FGF13: variants seen among roughly 807,000 people sequenced by gnomAD.
The protein encoded by FGF13 is fibroblast growth factor 13, also known as fibroblast growth factor homologous factor 2.
Under a neutral mutation model 19.5 loss-of-function variants are expected in FGF13, and 2 were observed. The ratio of observed to expected loss-of-function variants is 0.10; its 90% CI spans 0.04 to 0.32. The LOEUF is 0.32. FGF13 is among the 10% of genes least tolerant of loss of function. The pLI is 1.00. For missense variants in FGF13, 113 were observed against 192.7 expected, an observed-to-expected ratio of 0.59 and a Z score of 2.45; for synonymous variants, 72 against 76.9, an observed-to-expected ratio of 0.94 and a Z score of 0.33.
At chrX:138,826,539 A>T (rs1271311048) in intron 3 of FGF13, among the ~76,000 whole-genome samples, 1 of 112,436 alleles carries the variant, frequency 8.9e-6, no homozygotes, top group African/African-American at 3.2e-5. Flanking sequence ...GTAATATTTC[A>T]CAATATATAT....
chrX:138,891,949 C>T (rs988930297), intron 1 of FGF13, among the ~76,000 whole-genome samples: 13 of 107,715 alleles, frequency 1.2e-4, no homozygotes, highest in Admixed American at 9.0e-4. Context: ...ATCTTGTGAT[C>T]GTGTAAGTTA....
chrX:138,658,527 T>C (rs1390614946), intron 3 of FGF13, among the ~76,000 whole-genome samples: 3 of 112,625 alleles, frequency 2.7e-5, no homozygotes, highest in African/African-American at 9.7e-5. Flanking sequence ...AATCTATGAA[T>C]GCAAAAGAAT....
chrX:138,810,234 G>T (rs1157242577), intron 3 of FGF13, among the ~76,000 whole-genome samples: 4 of 111,470 alleles, frequency 3.6e-5, no homozygotes, highest in Non-Finnish European at 7.5e-5. Context: ...TGGTACTGGT[G>T]CCAAAACAGA....
intron 1 of FGF13, among the ~76,000 whole-genome samples, chrX:139,053,394 G>A (rs746072875): frequency 4.7e-5 from 5 of 105,911 alleles, no homozygotes; most frequent in African/African-American, 1.4e-4. Context: ...CCTGATTGCT[G>A]CATCCATGCC....
rs181239410 is a variant in FGF13, at chrX:138,874,122, G to A, written c.-112-9472C>T. 7.9e-3 allele frequency among the ~76,000 whole-genome samples: 814 copies of A among 103,542 alleles called. 12 individuals carry two copies. The highest frequency in any genetic ancestry group is 0.028 in the African/African-American group (792 of 28,377). The allele number at this position is 103,542 out of a possible 115,157, so 89.9% of individuals were successfully genotyped here. On this transcript the variant is annotated intron_variant, in intron 1 of 2. Coordinates refer to the FGF13 transcript ENST00000421460. The stretch of plus-strand genomic sequence containing the variant: ...TACATATGTAACAAACCTGCACGTC[G>A]TGCACACATACCCTAGAACTTAAAG...
At chrX:139,149,199 T>A (rs894226787) in intron 1 of FGF13, among the ~76,000 whole-genome samples, 3 of 112,049 alleles carry the variant, frequency 2.7e-5, no homozygotes, top group African/African-American at 6.5e-5. Context: ...TTTCAAGATA[T>A]TCACACTGCT....
At chrX:138,649,736 A>C (rs1385490122) in intron 3 of FGF13, among the ~76,000 whole-genome samples, 3 of 112,412 alleles carry the variant, frequency 2.7e-5, no homozygotes, top group Non-Finnish European at 5.6e-5. Context: ...TAGCTATTCT[A>C]TTCTGTTCTC....
chrX:138,732,128 C>T (rs982838471), intron 1 of FGF13, among the ~76,000 whole-genome samples: 4 of 111,557 alleles, frequency 3.6e-5, no homozygotes, highest in African/African-American at 1.3e-4. Context: ...AACTCTCATA[C>T]ATCACTTGTG....
At chrX:138,728,381 T>C (rs1237962935) in intron 1 of FGF13, among the ~76,000 whole-genome samples, 1 of 111,596 alleles carries the variant, frequency 9.0e-6, no homozygotes, top group Non-Finnish European at 1.9e-5. Flanking sequence ...GGTATCCAAA[T>C]TGGAGACTGG....
At chrX:138,977,792 G>A (rs988018372) in intron 1 of FGF13, among the ~76,000 whole-genome samples, 5 of 111,931 alleles carry the variant, frequency 4.5e-5, no homozygotes, top group East Asian at 2.8e-4. Flanking sequence ...CAGTCTTACC[G>A]TCACTGTTCT....
chrX:138,828,467 G>C (rs1192216489), intron 3 of FGF13, among the ~76,000 whole-genome samples: 1 of 109,450 alleles, frequency 9.1e-6, no homozygotes, highest in Admixed American at 9.7e-5. Flanking sequence ...CTACTCGAGA[G>C]GCTGAGGCGG....
chrX:138,928,842 TAG>T (rs903294281), intron 1 of FGF13, among the ~76,000 whole-genome samples: 1 of 111,503 alleles, frequency 9.0e-6, no homozygotes, highest in Non-Finnish European at 1.9e-5. Context: ...TCCTAAAATA[TAG>T]ACCCACCATA....
intron 3 of FGF13, among the ~76,000 whole-genome samples, chrX:138,690,982 G>T (rs2089833362): frequency 9.0e-6 from 1 of 111,404 alleles, no homozygotes; most frequent in Non-Finnish European, 1.9e-5. Context: ...GGGGTGCCTA[G>T]TATCTTATGG....
At chrX:138,856,793 A>T (rs1602962772), downstream of FGF13, among the ~76,000 whole-genome samples, 1 of 112,413 alleles carries the variant, frequency 8.9e-6, no homozygotes, top group East Asian at 2.8e-4. Context: ...TGATAGATGC[A>T]AAAATGTTGG....
intron 3 of FGF13, among the ~76,000 whole-genome samples, chrX:138,753,476 A>G (rs771932503): frequency 3.7e-4 from 42 of 112,341 alleles, no homozygotes; most frequent in African/African-American, 1.3e-3. Flanking sequence ...CTGATTAATC[A>G]ACTTTCTACC....
intron 1 of FGF13, among the ~76,000 whole-genome samples, chrX:139,163,075 A>G (rs1465605429): frequency 8.9e-6 from 1 of 112,259 alleles, no homozygotes; most frequent in African/African-American, 3.2e-5. Context: ...TCATGCTACT[A>G]TAAAGACACA....
chrX:139,018,308 C>G (rs2092162623), intron 1 of FGF13, among the ~76,000 whole-genome samples: 1 of 111,619 alleles, frequency 9.0e-6, no homozygotes. Context: ...GCCCTTAACT[C>G]TATAAAATGT....
At chrX:138,684,710 C>T (rs1408472549) in intron 3 of FGF13, among the ~76,000 whole-genome samples, 2 of 111,587 alleles carry the variant, frequency 1.8e-5, no homozygotes, top group South Asian at 3.7e-4. Flanking sequence ...CCTCTGCAGG[C>T]TTTTTATGAG....
At position 138,764,701 on chromosome X, in the gene FGF13, G is replaced by C. The variant is rs757601221; in HGVS notation, c.218-55773C>G. On this transcript the variant is annotated intron_variant, in intron 3 of 6. Coordinates refer to the FGF13 transcript ENST00000436198. ...AGAAAGTTGAGTAGTTGGAACAGAG[G>C]CTGCAAACCCTAAAATATTAAGTAC... 5.3e-5 allele frequency among the ~76,000 whole-genome samples: 6 copies of C among 112,234 alleles called. No homozygotes were observed. The Admixed American group carries it at 5.7e-4, about 11-fold the overall frequency.
Sources: gnomAD v4.1 joint callset for allele counts (sites outside exome capture counted in the v4.1 genomes callset) on GRCh38, gnomAD v4.1.1 for gene constraint, MANE v1.5 for transcripts, NCBI Gene and HGNC (gene_info 2026-07-23, HGNC 2026-07-21) for gene names.